DGKB: variants seen among roughly 807,000 people sequenced by gnomAD.
DGKB encodes 90 kDa diacylglycerol kinase.
Under a neutral mutation model 114.3 loss-of-function variants are expected in DGKB, and 67 were observed. The observed-to-expected ratio is 0.59, with a 90% CI of 0.48 to 0.72. The LOEUF (loss-of-function observed/expected upper bound fraction) is 0.72, where lower values mean the gene tolerates loss of function less well. Among genes scored for constraint, DGKB ranks in the 30% least tolerant of loss-of-function variants. The pLI, the probability that DGKB is intolerant of heterozygous loss-of-function variation, is 0.00. For synonymous variants in DGKB, 398 were observed against 323.1 expected (o/e 1.23, Z -2.49); for missense variants, 907 against 975.2 (o/e 0.93, Z 0.93).
At chr7:14,545,632 T>G (rs1794160443) in intron 20 of DGKB, among the ~76,000 whole-genome samples, 1 of 152,188 alleles carries the variant, frequency 6.6e-6, no homozygotes, top group Admixed American at 6.5e-5. Flanking sequence ...GCCACAAATC[T>G]CACACTTGGA....
chr7:14,654,220 A>T (rs1229051560), intron 13 of DGKB, among the ~76,000 whole-genome samples: 2 of 152,136 alleles, frequency 1.3e-5, no homozygotes, highest in African/African-American at 4.8e-5. Flanking sequence ...CAAAAAAATC[A>T]GTAGCATTCC....
intron 21 of DGKB, among the ~76,000 whole-genome samples, chr7:14,421,135 G>A (rs1427001782): frequency 2.0e-5 from 3 of 152,058 alleles, no homozygotes; most frequent in Non-Finnish European, 2.9e-5. Context: ...TCTTTAAAGG[G>A]TACTTAAACC....
At chr7:14,566,854 A>G (rs1016091668) in intron 20 of DGKB, among the ~76,000 whole-genome samples, 1 of 151,782 alleles carries the variant, frequency 6.6e-6, no homozygotes, top group Non-Finnish European at 1.5e-5. Flanking sequence ...TCACTTATGT[A>G]TATTCTTCAG....
At chr7:14,564,029 G>C (rs189980641) in intron 20 of DGKB, among the ~76,000 whole-genome samples, 1 of 152,294 alleles carries the variant, frequency 6.6e-6, no homozygotes, top group Non-Finnish European at 1.5e-5. Flanking sequence ...ACAAATGCTA[G>C]CTCTTTGGGC....
chr7:14,465,910 G>T (rs1275088196), intron 21 of DGKB, among the ~76,000 whole-genome samples: 3 of 152,086 alleles, frequency 2.0e-5, no homozygotes, highest in African/African-American at 7.2e-5. Context: ...CCTAGCTGCT[G>T]GTGTACACAA....
chr7:14,765,387 C>G (rs1165354696), intron 2 of DGKB, among the ~76,000 whole-genome samples: 1 of 151,950 alleles, frequency 6.6e-6, no homozygotes, highest in Non-Finnish European at 1.5e-5. Context: ...TTCTACTTAG[C>G]AAAAATAAAA....
chr7:14,576,642 C>A (rs2097384549), intron 19 of DGKB, among the ~76,000 whole-genome samples: 1 of 152,026 alleles, frequency 6.6e-6, no homozygotes, highest in Non-Finnish European at 1.5e-5. Flanking sequence ...AATTTTTTCT[C>A]AGTCATGTCT....
At chr7:14,893,960 T>C (rs1420426302) in intron 1 of DGKB, among the ~76,000 whole-genome samples, 1 of 151,262 alleles carries the variant, frequency 6.6e-6, no homozygotes, top group African/African-American at 2.4e-5. Flanking sequence ...TAAGTTTTTT[T>C]TTCCAGAACC....
intron 19 of DGKB, among the ~76,000 whole-genome samples, chr7:14,579,995 G>C (rs1799690967): frequency 6.6e-6 from 1 of 152,150 alleles, no homozygotes; most frequent in Admixed American, 6.6e-5. Flanking sequence ...AAGTCTGATG[G>C]TGTTTAGTGA....
intron 21 of DGKB, among the ~76,000 whole-genome samples, chr7:14,447,663 C>T (rs1830909959): frequency 6.6e-6 from 1 of 152,032 alleles, no homozygotes; most frequent in African/African-American, 2.4e-5. Flanking sequence ...GAGCTAGGAA[C>T]ATGTCCGGAT....
At chr7:14,492,980 A>G (rs1415352987) in intron 20 of DGKB, among the ~76,000 whole-genome samples, 1 of 152,110 alleles carries the variant, frequency 6.6e-6, no homozygotes, top group African/African-American at 2.4e-5. Flanking sequence ...ACCATTTTTC[A>G]ATACATCTAC....
chr7:14,684,472 C>G (rs990370986), intron 10 of DGKB, among the ~76,000 whole-genome samples: 2 of 152,026 alleles, frequency 1.3e-5, no homozygotes, highest in Non-Finnish European at 2.9e-5. Context: ...TAATATCTAC[C>G]CTTTTTTATC....
At chr7:14,507,579 G>C (rs537070179) in intron 20 of DGKB, among the ~76,000 whole-genome samples, 1 of 152,138 alleles carries the variant, frequency 6.6e-6, no homozygotes, top group Non-Finnish European at 1.5e-5. Context: ...TTTTACTGCT[G>C]TTAGGAGGTA....
At chr7:14,316,637 A>G (rs1188605774) in intron 23 of DGKB, among the ~76,000 whole-genome samples, 166 of 121,086 alleles carry the variant, frequency 1.4e-3, no homozygotes, top group East Asian at 1.6e-3. Flanking sequence ...TTGTGGCAAT[A>G]ATCAATAGCT....
chr7:14,549,403 TA>T (rs943799625), intron 20 of DGKB, among the ~76,000 whole-genome samples: 10 of 152,252 alleles, frequency 6.6e-5, no homozygotes, highest in Admixed American at 2.0e-4. Context: ...TAGGAATAAA[TA>T]TTTTTTTTTA....
In DGKB at chr7:14,580,957, G is replaced by A. The variant is rs748092620; in HGVS notation, c.1520-6C>T. ...CTTGCCTACATTGGCCTTTTCTGCA[G>A]AATAAAAAAAAATACAAATAAAGAA... On this transcript the variant is annotated splice_polypyrimidine_tract_variant and splice_region_variant and intron_variant, in intron 18 of 25. Transcript: ENST00000402815. 3.8e-6 allele frequency: 6 copies of A among 1,567,916 alleles called. No individual in the cohort carries two copies. The highest frequency in any genetic ancestry group is 3.4e-4 in the Middle Eastern group (2 of 5,804).
chr7:14,319,234 G>A (rs962480918), intron 23 of DGKB, among the ~76,000 whole-genome samples: 53 of 151,412 alleles, frequency 3.5e-4, no homozygotes, highest in Non-Finnish European at 2.5e-4. Context: ...ACATGTATAC[G>A]TATGTAACTA....
intron 23 of DGKB, among the ~76,000 whole-genome samples, chr7:14,233,934 G>A (rs1792331201): frequency 6.6e-6 from 1 of 151,962 alleles, no homozygotes; most frequent in South Asian, 2.1e-4. Context: ...CAAAGGCCTG[G>A]CAAAGGCAGT....
At chr7:14,729,999 G>C (rs1178690028) in intron 5 of DGKB, among the ~76,000 whole-genome samples, 1 of 152,066 alleles carries the variant, frequency 6.6e-6, no homozygotes, top group African/African-American at 2.4e-5. Flanking sequence ...AAAACAATTA[G>C]GAAGAAACAA....
Sources: gnomAD v4.1 joint callset for allele counts (sites outside exome capture counted in the v4.1 genomes callset) on GRCh38, gnomAD v4.1.1 for gene constraint, MANE v1.5 for transcripts, NCBI Gene and HGNC (gene_info 2026-07-23, HGNC 2026-07-21) for gene names.